RPL3L: variants seen among roughly 807,000 people sequenced by gnomAD.
RPL3L encodes ribosomal protein uL3-like.
A neutral mutation model predicts 44.5 loss-of-function variants in RPL3L; 44 were observed. The ratio of observed to expected loss-of-function variants is 0.99; its 90% confidence interval spans 0.78 to 1.27. RPL3L has a LOEUF of 1.27. Ranked by LOEUF, RPL3L falls within the 50% of genes most tolerant of loss-of-function variation. The probability of loss-of-function intolerance (pLI) is 0.00; values close to 1 mark genes in which losing one functional copy is unlikely to be tolerated. For synonymous variants in RPL3L, 292 were observed against 230.7 expected (o/e 1.27, Z -2.41); for missense variants, 631 against 569.1 (o/e 1.11, Z -1.11).
chr16:1,945,008 T>C lies in RPL3L; in HGVS notation c.1168-115A>G, dbSNP rs1327449268. The stretch of plus-strand genomic sequence containing the variant: ...GCCCTACTGCCCCCCTAAGGCTGCT[T>C]CCTCCCCCACCTTCTCTTCTAAAGA... On this transcript the variant is annotated intron_variant, in intron 9 of 9. Coordinates refer to ENST00000268661, the MANE Select transcript of RPL3L (RefSeq NM_005061.3). The C allele has an allele frequency of 3.1e-6, 4 of 1,294,422 alleles. No homozygotes were observed. In the Middle Eastern group the frequency reaches 6.4e-4, roughly 208 times the overall value. 80.2% of individuals were successfully genotyped at this position (1,294,422 alleles called of 1,614,324 possible). A position where few individuals can be genotyped will look rare whatever the true frequency, so the allele number is the denominator to read the frequency against.
In RPL3L at chr16:1,945,616, G is replaced by A; in HGVS notation, c.1050C>T (p.Ser350=). 6.2e-7 allele frequency: 1 copy of A among 1,613,812 alleles called. No individual in the cohort carries two copies. Among genetic ancestry groups the A allele is most frequent in the East Asian group, 2.2e-5 (1 of 44,856 alleles). The change falls in exon 9 of 10, where the codon TCC becomes TCT. Residue 350 remains serine, a splice_region_variant and synonymous_variant. Coordinates refer to ENST00000268661, the MANE Select transcript of RPL3L (RefSeq NM_005061.3). The part of the protein sequence containing the change: ...TKKRVITLRK[S]LLVHHSRQAV... Reference sequence around the variant, plus strand: ...CTTGGCGACTGTGATGCACCAGGAGGGACTGGGGAATCCATGGTAAAGTAA... The same window carrying A: ...CTTGGCGACTGTGATGCACCAGGAGAGACTGGGGAATCCATGGTAAAGTAA...
chr16:1,946,548 C>T, intron 7 of RPL3L, 77 bp downstream of exon 7: 3 of 1,470,346 alleles, frequency 2.0e-6, no homozygotes, highest in South Asian at 2.3e-5. Flanking sequence ...TATACCAGGC[C>T]CCCCGGCCAG....
At chr16:1,951,360 C>T (rs778340602) in intron 3 of RPL3L, among the ~76,000 whole-genome samples, 1 of 152,160 alleles carries the variant, frequency 6.6e-6, no homozygotes, top group Non-Finnish European at 1.5e-5. Flanking sequence ...CATGGCCAGG[C>T]ACCTCGGGCT....
intron 9 of RPL3L, 98 bp from the exon 10 acceptor site, chr16:1,944,991 G>GCA: frequency 4.1e-6 from 6 of 1,458,138 alleles, no homozygotes; most frequent in Non-Finnish European, 3.8e-6. Flanking sequence ...CGGCCCTACT[G>GCA]CCCCCCTAAG....
chr16:1,951,858 A>G (rs1056937641), intron 3 of RPL3L, among the ~76,000 whole-genome samples: 4 of 151,676 alleles, frequency 2.6e-5, no homozygotes, highest in East Asian at 1.9e-4. Context: ...TTCTATGTGT[A>G]AGAGCTTCTC....
Position 1,950,959 on chromosome 16 carries a change from G to A in RPL3L, c.386C>T (p.Ala129Val). 1 of 1,613,874 alleles carries A rather than the reference G, an allele frequency of 6.2e-7. No homozygotes were observed. Among genetic ancestry groups the A allele is most frequent in the Non-Finnish European group, 8.5e-7 (1 of 1,179,930 alleles). ...CCACCTCTTGCAGGCCTTGGTGAAG[G>A]CTTTCTTCTTGCTCTTGTGCCTGAG... ...YKDWHKSKKK[A>V]FTKACKRWRD... Residue 129 changes from alanine to valine, a missense_variant, in exon 4 of 10, where the codon GCC (alanine) becomes GTC (valine). Coordinates refer to ENST00000268661, the MANE Select transcript of RPL3L (RefSeq NM_005061.3).
chr16:1,952,736 C>A, intron 3 of RPL3L, 138 bp downstream of exon 3: 1 of 973,778 alleles, frequency 1.0e-6, no homozygotes, highest in Non-Finnish European at 1.5e-6. Context: ...CACACAGACA[C>A]TCCTACCTCC....
At position 1,954,001 on chromosome 16, in the gene RPL3L, C is replaced by T. The variant is rs143345186; in HGVS notation, c.151G>A (p.Ala51Thr). 107 of 1,599,580 alleles carry T rather than the reference C, an allele frequency of 6.7e-5. No homozygotes were observed. The African/African-American group carries it at 1.2e-3, about 18-fold the overall frequency. Residue 51 changes from alanine (A) to threonine (T), a missense_variant, in exon 2 of 10, where the codon GCG (alanine) becomes ACG (threonine). By Grantham distance (58) the Ala-to-Thr change is moderately conservative. Transcript: ENST00000268661. ...TCCCGCAGGGTGTGGGTCATGCCCG[C>T]CTTGTAGCCCAGGAAGGCCGTGAGG... ...VHLTAFLGYK[A>T]GMTHTLREVH...
rs1025852326 is a variant in RPL3L, at chr16:1,944,572, C to T, written c.*265G>A. 1.1e-5 allele frequency: 4 copies of T among 350,234 alleles called. No homozygotes were observed. The highest frequency in any genetic ancestry group is 2.1e-5 in the Non-Finnish European group (4 of 190,128). The allele number at this position is 350,234 out of a possible 1,614,324, so 21.7% of individuals were successfully genotyped here. ...AAAAAAAAAAAAAAAAACCTCTGCTCCGCAAATGCTCAAAGAGATCGATTT... is the reference window on the plus strand; with the variant it reads ...AAAAAAAAAAAAAAAAACCTCTGCTTCGCAAATGCTCAAAGAGATCGATTT... On this transcript the variant is annotated 3_prime_UTR_variant, in exon 10 of 10. Coordinates refer to ENST00000268661, the MANE Select transcript of RPL3L (RefSeq NM_005061.3).
At chr16:1,949,660 A>C (rs1426598223) in intron 4 of RPL3L, among the ~76,000 whole-genome samples, 6 of 144,606 alleles carry the variant, frequency 4.1e-5, no homozygotes, top group African/African-American at 1.6e-4. Flanking sequence ...ACACATAGTG[A>C]CCCATAGGTA....
Position 1,947,359 on chromosome 16 carries a change from G to A in RPL3L, c.523C>T (p.Gln175Ter). The A allele has an allele frequency of 6.3e-7, 1 of 1,592,266 alleles. No homozygotes were observed. Among genetic ancestry groups the A allele is most frequent in the Non-Finnish European group, 8.5e-7 (1 of 1,170,036 alleles). ...HTQMKLLPFR[Q>*]KKAHIMEIQL... ...ATCTCCATGATGTGGGCCTTCTTCT[G>A]CCGGAAGGGCAGCAGTTTCATCTGC... Residue 175 changes from glutamine to a stop codon, truncating the protein, a stop_gained, in exon 5 of 10, where the codon CAG becomes TAG. Coordinates refer to ENST00000268661, the MANE Select transcript of RPL3L (RefSeq NM_005061.3). LOFTEE classifies it high-confidence loss of function.
intron 4 of RPL3L, 64 bp from the exon 5 acceptor site, chr16:1,947,444 C>T: frequency 1.4e-6 from 2 of 1,456,614 alleles, no homozygotes; most frequent in Non-Finnish European, 1.8e-6. Context: ...TGAAACATGG[C>T]ATGGCCAGCA....
chr16:1,954,221 T>A, intron 1 of RPL3L, 73 bp from the exon 2 acceptor site: 1 of 1,375,126 alleles, frequency 7.3e-7, no homozygotes, highest in South Asian at 1.5e-5. Context: ...CCAGAACCCA[T>A]ACCTGGAGAA....
intron 3 of RPL3L, among the ~76,000 whole-genome samples, chr16:1,952,326 C>T (rs1185493581): frequency 6.6e-6 from 1 of 151,806 alleles, no homozygotes; most frequent in Non-Finnish European, 1.5e-5. Flanking sequence ...CCTCTTTTTC[C>T]TCCATCCTGA....
At chr16:1,954,251 C>G (rs889946566) in intron 1 of RPL3L, 103 bp from the exon 2 acceptor site, 1 of 1,234,400 alleles carries the variant, frequency 8.1e-7, no homozygotes, top group Non-Finnish European at 1.1e-6. Flanking sequence ...AGGCTTCAGA[C>G]TGAGGCCTGT....
Position 1,944,739 on chromosome 16 carries a change from A to T in RPL3L, c.*98T>A. On this transcript the variant is annotated 3_prime_UTR_variant, in exon 10 of 10. Coordinates refer to ENST00000268661, the MANE Select transcript of RPL3L (RefSeq NM_005061.3). ...AGGTGAACCCCTTGGGCGGTTACAC[A>T]GCGCTCTGAGACCTCGCAGGAAGAG... is the stretch of plus-strand genomic sequence containing the variant. The T allele has an allele frequency of 3.3e-6, 5 of 1,521,660 alleles. No homozygotes were observed. The highest frequency in any genetic ancestry group is 4.6e-6 in the Non-Finnish European group (5 of 1,097,496). The allele number at this position is 1,521,660 out of a possible 1,614,324, so 94.3% of individuals were successfully genotyped here.
chr16:1,945,975 G>C (rs1344489492), intron 7 of RPL3L, 45 bp from the exon 8 acceptor site: 1 of 1,533,168 alleles, frequency 6.5e-7, no homozygotes, highest in South Asian at 1.2e-5. Context: ...AAGGGCTTCT[G>C]AGTTAGTGGG....
intron 4 of RPL3L, among the ~76,000 whole-genome samples, chr16:1,949,437 G>A (rs1175860582): frequency 2.0e-5 from 3 of 151,414 alleles, no homozygotes; most frequent in East Asian, 2.0e-4. Context: ...ATTTTTACTA[G>A]AGATGGGGTT....
Position 1,950,034 on chromosome 16 carries a change from C to G in RPL3L, c.501+810G>C, listed in dbSNP as rs372770925. On this transcript the variant is annotated intron_variant, in intron 4 of 9. Coordinates refer to ENST00000268661, the MANE Select transcript of RPL3L (RefSeq NM_005061.3). ...CAGGTATGTAGGGAGCAGGTATGGA[C>G]GGGGCAGGTATAGACAGAGCAGGTA... is the stretch of plus-strand genomic sequence containing the variant. Among the ~76,000 whole-genome samples the G allele has an allele frequency of 9.9e-3, 1,003 of 101,062 alleles. 50 individuals carry two copies. The highest frequency in any genetic ancestry group is 0.039 in the African/African-American group (933 of 23,728). The allele number at this position is 101,062 out of a possible 152,430, so 66.3% of individuals were successfully genotyped here.
Sources: gnomAD v4.1 joint callset for allele counts (sites outside exome capture counted in the v4.1 genomes callset) on GRCh38, gnomAD v4.1.1 for gene constraint, MANE v1.5 for transcripts, NCBI Gene and HGNC (gene_info 2026-07-23, HGNC 2026-07-21) for gene names.